Variants in TSC22D1 observed in about 807,000 individuals in gnomAD.
TSC22D1 encodes TSC22 domain family protein 1.
A neutral mutation model predicts 74.2 loss-of-function variants in TSC22D1; 9 were observed. The observed-to-expected ratio is 0.12, with a 90% CI of 0.07 to 0.21. The LOEUF (loss-of-function observed/expected upper bound fraction) is 0.21. Among genes scored for constraint, TSC22D1 ranks in the 10% least tolerant of loss-of-function variants. The pLI, the probability that TSC22D1 is intolerant of heterozygous loss-of-function variation, is 1.00. For missense variants in TSC22D1, 1,427 were observed against 1,304.7 expected (o/e 1.09, Z -1.44); for synonymous variants, 586 against 492.5 (o/e 1.19, Z -2.51).
At chr13:44,555,749 C>T (rs1160452596) in intron 1 of TSC22D1, among the ~76,000 whole-genome samples, 1 of 139,484 alleles carries the variant, frequency 7.2e-6, no homozygotes, top group Non-Finnish European at 1.6e-5. Context: ...ATTAAAATAC[C>T]AAAAAAAAAA....
intron 1 of TSC22D1, among the ~76,000 whole-genome samples, chr13:44,466,073 A>G (rs1241998164): frequency 6.6e-6 from 1 of 152,226 alleles, no homozygotes; most frequent in Admixed American, 6.5e-5. Context: ...TTACAAGGAT[A>G]TTCCTAGGAC....
rs750321647 is a variant in TSC22D1, at chr13:44,573,840, G to A, written c.2235C>T (p.Pro745=). The part of the protein sequence containing the change: ...QANIPTAVQQ[P]STQVPPSVIQ... The stretch of plus-strand genomic sequence containing the variant: ...TAACTGAAGGTGGAACCTGGGTAGA[G>A]GGCTGCTGCACTGCAGTAGGTATGT... Residue 745 remains proline (P), a synonymous_variant, in exon 1 of 3, where the codon CCC becomes CCT. Coordinates refer to ENST00000458659, the MANE Select transcript of TSC22D1 (RefSeq NM_183422.4). The A allele has an allele frequency of 1.9e-6, 3 of 1,614,198 alleles. No homozygotes were observed. The highest frequency in any genetic ancestry group is 2.5e-6 in the Non-Finnish European group (3 of 1,180,028).
intron 1 of TSC22D1, among the ~76,000 whole-genome samples, chr13:44,490,923 G>A (rs1878675997): frequency 7.1e-6 from 1 of 139,904 alleles, no homozygotes; most frequent in African/African-American, 2.5e-5. Flanking sequence ...ATGAAACTCC[G>A]TCTCATTAAA....
chr13:44,539,808 T>C, intron 1 of TSC22D1: 1 of 1,288,900 alleles, frequency 7.8e-7, no homozygotes, highest in Non-Finnish European at 1.0e-6. Context: ...AGCTGGATAT[T>C]CTGTCTCCAA....
intron 1 of TSC22D1, among the ~76,000 whole-genome samples, chr13:44,493,238 A>G (rs1390416010): frequency 1.3e-5 from 2 of 152,196 alleles, no homozygotes; most frequent in Non-Finnish European, 2.9e-5. Flanking sequence ...TTTAGTGACA[A>G]TCTTGACAAT....
At chr13:44,434,934 T>C in intron 2 of TSC22D1, 51 bp from the exon 3 acceptor site, 1 of 1,475,964 alleles carries the variant, frequency 6.8e-7, no homozygotes, top group Non-Finnish European at 9.2e-7. Context: ...TTTTCTGGAC[T>C]CTTTTGAGTT....
chr13:44,543,165 T>C (rs1201667686), intron 1 of TSC22D1, among the ~76,000 whole-genome samples: 1 of 152,202 alleles, frequency 6.6e-6, no homozygotes, highest in Non-Finnish European at 1.5e-5. Context: ...GTATTTTATA[T>C]ATAAATACCA....
At chr13:44,486,848 G>T (rs1346345057) in intron 1 of TSC22D1, among the ~76,000 whole-genome samples, 1 of 151,966 alleles carries the variant, frequency 6.6e-6, no homozygotes, top group Non-Finnish European at 1.5e-5. Flanking sequence ...ATAATATGTG[G>T]ATCAAAAAAT....
At chr13:44,517,467 T>C (rs955068504) in intron 1 of TSC22D1, among the ~76,000 whole-genome samples, 8 of 151,860 alleles carry the variant, frequency 5.3e-5, no homozygotes, top group African/African-American at 1.9e-4. Context: ...GCAAGACATA[T>C]CAATAACAAC....
At chr13:44,445,216 TACACAC>T (rs55714213) in intron 1 of TSC22D1, among the ~76,000 whole-genome samples, 136 of 144,776 alleles carry the variant, frequency 9.4e-4, no homozygotes, top group African/African-American at 2.4e-3. Context: ...AGGTCAAAGA[TACACAC>T]ACACACACAC....
intron 1 of TSC22D1, among the ~76,000 whole-genome samples, chr13:44,444,341 TG>T (rs1875466780): frequency 1.1e-5 from 1 of 94,360 alleles, no homozygotes; most frequent in African/African-American, 4.1e-5. Context: ...AAAACAATAA[TG>T]ACATTAAATA....
At chr13:44,469,812 A>G (rs1251866697) in intron 1 of TSC22D1, among the ~76,000 whole-genome samples, 2 of 152,180 alleles carry the variant, frequency 1.3e-5, no homozygotes, top group African/African-American at 4.8e-5. Context: ...AAGTTCTACT[A>G]CCAAGCAGAA....
intron 1 of TSC22D1, among the ~76,000 whole-genome samples, chr13:44,444,315 AAAAGAAAAAG>A (rs1875457612): frequency 7.8e-6 from 1 of 128,814 alleles, no homozygotes; most frequent in Non-Finnish European, 1.7e-5. Flanking sequence ...AAAAGAAAAG[AAAAGAAAAAG>A]AAAAAAAAAC....
chr13:44,435,948 T>G (rs992067501), intron 2 of TSC22D1, 96 bp downstream of exon 2: 2 of 1,237,742 alleles, frequency 1.6e-6, no homozygotes, highest in Non-Finnish European at 2.3e-6. Flanking sequence ...AGAGCAATCA[T>G]CATCATCTGA....
At chr13:44,555,269 T>A (rs1882557646) in intron 1 of TSC22D1, among the ~76,000 whole-genome samples, 1 of 152,182 alleles carries the variant, frequency 6.6e-6, no homozygotes, top group Non-Finnish European at 1.5e-5. Context: ...TGTGAATTTT[T>A]TTTTTTCCAG....
intron 1 of TSC22D1, chr13:44,537,328 T>C: frequency 1.0e-6 from 1 of 984,828 alleles, no homozygotes; most frequent in Non-Finnish European, 1.2e-6. Flanking sequence ...AAAGTTTCAC[T>C]TTTAAATAAA....
chr13:44,562,235 G>A (rs1883094382), intron 1 of TSC22D1, among the ~76,000 whole-genome samples: 2 of 151,920 alleles, frequency 1.3e-5, no homozygotes, highest in African/African-American at 4.8e-5. Context: ...GTAGAGATAG[G>A]GTACCATGTT....
intron 1 of TSC22D1, among the ~76,000 whole-genome samples, chr13:44,557,092 G>A (rs185735814): frequency 4.6e-4 from 69 of 151,220 alleles, no homozygotes; most frequent in African/African-American, 1.2e-3. Flanking sequence ...GTGGTGAGCC[G>A]AGATCGCACC....
At chr13:44,527,980 A>G (rs1261168486) in intron 1 of TSC22D1, among the ~76,000 whole-genome samples, 3 of 152,142 alleles carry the variant, frequency 2.0e-5, no homozygotes, top group African/African-American at 4.8e-5. Flanking sequence ...AAAGGGGCCA[A>G]TACTCCAAGA....
Sources: allele counts gnomAD v4.1 joint callset (sites outside exome capture counted in the v4.1 genomes callset), GRCh38; gene constraint gnomAD v4.1.1; transcripts MANE v1.5; gene names NCBI Gene and HGNC (gene_info 2026-07-23, HGNC 2026-07-21).